The following ERLIN2 variants were observed in gnomAD, a reference collection of about 807,000 sequenced individuals.
The protein encoded by ERLIN2 is erlin-2.
Under a neutral mutation model 41.5 loss-of-function variants are expected in ERLIN2, and 22 were observed. That is an observed-to-expected ratio of 0.53 (90% CI 0.38 to 0.76). ERLIN2 has a LOEUF of 0.76. Ranked by LOEUF, ERLIN2 falls within the 30% of genes least tolerant of loss-of-function variation. The pLI is 0.00. For synonymous variants in ERLIN2, 149 were observed against 150.9 expected (o/e 0.99, Z 0.09); for missense variants, 247 against 414.3 (o/e 0.60, Z 3.51).
chr8:37,744,249 T>C (rs1442738173), intron 4 of ERLIN2, 106 bp from the exon 5 acceptor site: 4 of 991,902 alleles, frequency 4.0e-6, no homozygotes, highest in Non-Finnish European at 4.9e-6. Context: ...CCGTGAACTC[T>C]TCTACTCCTT....
At chr8:37,743,647 C>T (rs1802933270) in intron 4 of ERLIN2, among the ~76,000 whole-genome samples, 1 of 152,032 alleles carries the variant, frequency 6.6e-6, no homozygotes, top group African/African-American at 2.4e-5. Context: ...TGAATAAGGA[C>T]TGGGTATTAG....
rs919563853 is a variant in ERLIN2, at chr8:37,755,668, C to G, written c.*1553C>G. ...CCTGCCTTCTTTTTGGGCCCATGCC[C>G]AGACTTCTGGTTTAAGGAATGGTCC... On this transcript the variant is annotated 3_prime_UTR_variant, in exon 12 of 12. Coordinates refer to ENST00000519638, the MANE Select transcript of ERLIN2 (RefSeq NM_007175.8). The G allele has an allele frequency of 3.3e-5, 5 of 151,514 alleles. No homozygotes were observed. Among genetic ancestry groups the G allele is most frequent in the African/African-American group, 1.2e-4 (5 of 41,312 alleles). The allele number at this position is 151,514 out of a possible 1,614,324, so 9.4% of individuals were successfully genotyped here.
At chr8:37,749,734 C>A (rs1803171604) in intron 7 of ERLIN2, 60 bp from the exon 8 acceptor site, 1 of 1,563,776 alleles carries the variant, frequency 6.4e-7, no homozygotes, top group Non-Finnish European at 8.8e-7. Flanking sequence ...CCAGTGGGAG[C>A]TGGGTGTGTC....
rs150977583 is a variant in ERLIN2 at position 37,749,192 on chromosome 8, C to T, written c.425-367C>T. 6.2e-3 allele frequency among the ~76,000 whole-genome samples: 946 copies of T among 152,322 alleles called. 8 individuals are homozygous for T. The highest frequency in any genetic ancestry group is 0.022 in the African/African-American group (902 of 41,564). ...AACTGTGAACCTTCCTTCTCTTTTGCTGCTATTGTCTAGGGAAAGGCTGCT... is the reference window on the plus strand; with the variant it reads ...AACTGTGAACCTTCCTTCTCTTTTGTTGCTATTGTCTAGGGAAAGGCTGCT... On this transcript the variant is annotated intron_variant, in intron 6 of 11. Coordinates refer to ENST00000519638, the MANE Select transcript of ERLIN2 (RefSeq NM_007175.8).
At chr8:37,749,658 C>A in intron 7 of ERLIN2, 26 bp downstream of exon 7, 1 of 1,579,224 alleles carries the variant, frequency 6.3e-7, no homozygotes, top group Non-Finnish European at 8.7e-7. Context: ...TGGGAGCAGC[C>A]CCTCTCTCTC....
Position 37,737,984 on chromosome 8 carries a change from C to G in ERLIN2, c.62C>G (p.Ser21Ter). 1 of 1,614,070 alleles carries G rather than the reference C, an allele frequency of 6.2e-7. No homozygotes were observed. The highest frequency in any genetic ancestry group is 8.5e-7 in the Non-Finnish European group (1 of 1,179,912). ...AGTTTCTTTTGTGCATCTCTCTTCTCAGCTGTGCACAAGATAGAAGAGGGA... is the reference window on the plus strand; with the variant it reads ...AGTTTCTTTTGTGCATCTCTCTTCTGAGCTGTGCACAAGATAGAAGAGGGA... ...ASSFFCASLF[S>*]AVHKIEEGHI... is the part of the protein sequence containing the mutation. The change falls in exon 2 of 12, where the codon TCA (serine) becomes TGA (stop). Residue 21 changes from serine to a stop codon, truncating the protein, a stop_gained. Transcript: ENST00000519638. LOFTEE classifies it high-confidence loss of function.
At chr8:37,748,109 AC>A in intron 6 of ERLIN2, 1 of 779,262 alleles carries the variant, frequency 1.3e-6, no homozygotes, top group Admixed American at 2.3e-5. Flanking sequence ...CCTTAGTAAT[AC>A]AATTTAAATG....
intron 6 of ERLIN2, chr8:37,745,167 A>G (rs767323653): frequency 1.2e-5 from 6 of 480,336 alleles, no homozygotes; most frequent in Non-Finnish European, 2.2e-5. Context: ...GCTCTTCAGC[A>G]TTCTTCTCAC....
In ERLIN2 at chr8:37,753,515, G is replaced by A. The variant is rs751521723; in HGVS notation, c.805G>A (p.Ala269Thr). ...DAECYTAMKI[A>T]EANKLKLTPE... is the part of the protein sequence containing the mutation. ...TGAGTGCTACACTGCTATGAAAATA[G>A]CCGAAGCCAATAAGGTAAAGACCCC... is the stretch of plus-strand genomic sequence containing the variant. The change falls in exon 11 of 12, where the codon GCC (alanine) becomes ACC (threonine). Residue 269 changes from alanine (A) to threonine (T), a missense_variant. Coordinates refer to ENST00000519638, the MANE Select transcript of ERLIN2 (RefSeq NM_007175.8). 1.2e-6 allele frequency: 2 copies of A among 1,614,112 alleles called. No homozygotes were observed. Among genetic ancestry groups the A allele is most frequent in the South Asian group, 1.1e-5 (1 of 91,076 alleles).
chr8:37,747,467 G>A, intron 6 of ERLIN2: 1 of 1,611,522 alleles, frequency 6.2e-7, no homozygotes, highest in Non-Finnish European at 8.5e-7. Flanking sequence ...TTGGCATTCT[G>A]TGCATACGAG....
At chr8:37,745,213 T>G in intron 6 of ERLIN2, 1 of 443,736 alleles carries the variant, frequency 2.3e-6, no homozygotes, top group East Asian at 3.8e-5. Flanking sequence ...CAGGAATGGG[T>G]GATGAAAAAG....
At chr8:37,740,222 G>GGGAT in intron 2 of ERLIN2, 143 bp from the exon 3 acceptor site, 1 of 713,192 alleles carries the variant, frequency 1.4e-6, no homozygotes, top group Non-Finnish European at 2.6e-6. Context: ...GAGGAAGAAA[G>GGGAT]GGATCTGTAG....
rs1802858992 is a variant in ERLIN2 at position 37,741,762 on chromosome 8, C to G, written c.190-10C>G. ...CATCTTCTAGCACTTTATGTTTCCT[C>G]TGTTTCCAGACCACACTCCAGACAG... On this transcript the variant is annotated splice_polypyrimidine_tract_variant and intron_variant, in intron 3 of 11. Transcript: ENST00000519638. The surrounding 1 kb of genome is among the most constrained non-coding windows in gnomAD (Gnocchi z 4.8). 5 of 1,611,298 alleles carry G rather than the reference C, an allele frequency of 3.1e-6. No homozygotes were observed. Among genetic ancestry groups the G allele is most frequent in the Non-Finnish European group, 3.4e-6 (4 of 1,177,350 alleles).
chr8:37,751,073 C>A (rs897642990), intron 9 of ERLIN2, among the ~76,000 whole-genome samples: 11 of 152,354 alleles, frequency 7.2e-5, no homozygotes, highest in African/African-American at 2.6e-4. Flanking sequence ...CTGTGAGCCA[C>A]ATACTTTTCT....
intron 4 of ERLIN2, 55 bp from the exon 5 acceptor site, chr8:37,744,300 C>A: frequency 7.0e-7 from 1 of 1,433,392 alleles, no homozygotes; most frequent in Non-Finnish European, 9.9e-7. Flanking sequence ...CCCTGGGGGA[C>A]TGCACCATAT....
chr8:37,750,159 C>T (rs1803185776), intron 8 of ERLIN2: 1 of 620,230 alleles, frequency 1.6e-6, no homozygotes, highest in Non-Finnish European at 2.9e-6. Context: ...AGTAAGTGGA[C>T]AGGCAGGTGT....
At chr8:37,742,140 G>A (rs754007480) in intron 4 of ERLIN2, among the ~76,000 whole-genome samples, 1 of 151,830 alleles carries the variant, frequency 6.6e-6, no homozygotes, top group Non-Finnish European at 1.5e-5. Flanking sequence ...TCAGGATATC[G>A]AGACCATCCT....
At chr8:37,736,862 C>T in intron 1 of ERLIN2, 184 bp downstream of exon 1, 1 of 985,936 alleles carries the variant, frequency 1.0e-6, no homozygotes, top group Non-Finnish European at 1.2e-6. Flanking sequence ...GGGGACCGAG[C>T]GGAGGCTATT....
At chr8:37,739,316 CAT>C (rs1276880378) in intron 2 of ERLIN2, among the ~76,000 whole-genome samples, 2 of 152,164 alleles carry the variant, frequency 1.3e-5, no homozygotes, top group Admixed American at 1.3e-4. Flanking sequence ...ATTGCCAAAA[CAT>C]ATATTTCAAT....
Sources: gnomAD v4.1 joint callset for allele counts (sites outside exome capture counted in the v4.1 genomes callset) on GRCh38, gnomAD v4.1.1 for gene constraint, Gnocchi (gnomAD v3.1) non-coding constraint, MANE v1.5 for transcripts, NCBI Gene and HGNC (gene_info 2026-07-23, HGNC 2026-07-21) for gene names.